The following PAM variants were observed in gnomAD, a reference collection of about 807,000 sequenced individuals.
The protein encoded by PAM is peptidyl-glycine alpha-amidating monooxygenase.
Under a neutral mutation model 122.1 loss-of-function variants are expected in PAM, and 72 were observed. The observed-to-expected ratio is 0.59, with a 90% CI of 0.49 to 0.72. The LOEUF is 0.72. Among genes scored for constraint, PAM ranks in the 30% least tolerant of loss-of-function variants. The pLI, the probability that PAM is intolerant of heterozygous loss-of-function variation, is 0.00. For missense variants in PAM, 1,106 were observed against 1,183.7 expected, an observed-to-expected ratio of 0.93 and a Z score of 0.96; for synonymous variants, 389 against 404.4, an observed-to-expected ratio of 0.96 and a Z score of 0.46.
chr5:102,816,740 C>T (rs1454778638), intron 1 of PAM, among the ~76,000 whole-genome samples: 4 of 152,106 alleles, frequency 2.6e-5, no homozygotes, highest in African/African-American at 7.2e-5. Flanking sequence ...GTTGGAGTAT[C>T]CTAAAGTTCA....
intron 3 of PAM, among the ~76,000 whole-genome samples, chr5:102,891,186 A>G (rs560162969): frequency 3.2e-4 from 48 of 152,042 alleles, no homozygotes; most frequent in African/African-American, 1.1e-3. Flanking sequence ...CTGCATACCC[A>G]GTTCCTATGT....
In PAM at chr5:103,007,192, TACAC is replaced by T. The variant is rs56140031; in HGVS notation, c.2014+208_2014+211del. ...ACACACACACACACACACATATACA[TACAC>T]ACACACACACACACACACACACACA... On this transcript the variant is annotated intron_variant, in intron 19 of 25. Coordinates refer to ENST00000438793, the MANE Select transcript of PAM (RefSeq NM_001177306.2). Among the ~76,000 whole-genome samples the T allele has an allele frequency of 8.8e-4, 125 of 141,558 alleles. 1 individual carries two copies. Among genetic ancestry groups the T allele is most frequent in the Middle Eastern group, 3.7e-3 (1 of 270 alleles). 92.9% of individuals were successfully genotyped at this position (141,558 alleles called of 152,430 possible).
Position 102,827,842 on chromosome 5 carries a change from A to G in PAM, c.-373-37981A>G, listed in dbSNP as rs1193811490. Reference sequence around the variant, plus strand: ...GCTGGGACTACAGGCGCCCGCCACTACGCCCGGCTAATTTTTTGTATTTTT... The same window carrying G: ...GCTGGGACTACAGGCGCCCGCCACTGCGCCCGGCTAATTTTTTGTATTTTT... On this transcript the variant is annotated intron_variant, in intron 1 of 25. Coordinates refer to ENST00000438793, the MANE Select transcript of PAM (RefSeq NM_001177306.2). Among the ~76,000 whole-genome samples, 2 of 14,954 alleles carry G rather than the reference A, an allele frequency of 1.3e-4. 1 individual carries two copies. The highest frequency in any genetic ancestry group is 2.1e-4 in the Non-Finnish European group (2 of 9,438). The allele number at this position is 14,954 out of a possible 152,430, so 9.8% of individuals were successfully genotyped here. A position where few individuals can be genotyped will look rare whatever the true frequency, so the allele number is the denominator to read the frequency against.
At chr5:102,810,696 C>T (rs545589331) in intron 1 of PAM, among the ~76,000 whole-genome samples, 40 of 151,992 alleles carry the variant, frequency 2.6e-4, no homozygotes, top group Admixed American at 6.6e-4. Flanking sequence ...GGCGTGGTGG[C>T]GCATGCCTGT....
At chr5:103,003,684 A>G (rs1461982093) in intron 17 of PAM, among the ~76,000 whole-genome samples, 1 of 152,148 alleles carries the variant, frequency 6.6e-6, no homozygotes, top group African/African-American at 2.4e-5. Context: ...AGCTTGTTAC[A>G]TATTACATAT....
chr5:102,955,787 T>C (rs917362490), intron 12 of PAM, among the ~76,000 whole-genome samples: 1 of 151,916 alleles, frequency 6.6e-6, no homozygotes, highest in South Asian at 2.1e-4. Flanking sequence ...ATTAGCAGAG[T>C]TGAATTGCAT....
chr5:102,818,304 T>C (rs1770616028), intron 1 of PAM, among the ~76,000 whole-genome samples: 1 of 152,046 alleles, frequency 6.6e-6, no homozygotes, highest in Non-Finnish European at 1.5e-5. Context: ...ACTCCAAATT[T>C]AGTAAGTTAG....
chr5:102,944,640 G>T (rs1436838548), intron 7 of PAM, among the ~76,000 whole-genome samples: 1 of 152,044 alleles, frequency 6.6e-6, no homozygotes, highest in Non-Finnish European at 1.5e-5. Context: ...AAATAAGGTT[G>T]TCTTGGGACT....
chr5:103,028,868 A>T lies in PAM; in HGVS notation c.2744-19A>T. 1.9e-6 allele frequency: 3 copies of T among 1,578,478 alleles called. No individual in the cohort carries two copies. Among genetic ancestry groups the T allele is most frequent in the Non-Finnish European group, 2.6e-6 (3 of 1,159,796 alleles). ...GCTGCAAACTTTACCCAATTCTGTT[A>T]TTGTTTGCTTTTTTTCAGGAAAGGG... On this transcript the variant is annotated intron_variant, in intron 25 of 25. Coordinates refer to ENST00000438793, the MANE Select transcript of PAM (RefSeq NM_001177306.2).
chr5:102,999,109 T>C (rs1223888573), intron 16 of PAM, among the ~76,000 whole-genome samples: 2 of 152,188 alleles, frequency 1.3e-5, no homozygotes, highest in Non-Finnish European at 2.9e-5. Context: ...ACCTGCTGAC[T>C]ATCAGAAAAC....
chr5:102,979,817 A>G (rs1202507412), intron 15 of PAM, among the ~76,000 whole-genome samples: 2 of 151,972 alleles, frequency 1.3e-5, no homozygotes, highest in Non-Finnish European at 2.9e-5. Context: ...AAAAGTAGTA[A>G]TTTCTTTTTC....
intron 1 of PAM, among the ~76,000 whole-genome samples, chr5:102,760,254 G>A (rs2149663034): frequency 6.6e-6 from 1 of 152,172 alleles, no homozygotes; most frequent in East Asian, 1.9e-4. Flanking sequence ...TCAAGTATCT[G>A]CTTCACATCA....
At chr5:102,817,694 G>T (rs1770348558) in intron 1 of PAM, among the ~76,000 whole-genome samples, 1 of 147,680 alleles carries the variant, frequency 6.8e-6, no homozygotes, top group Non-Finnish European at 1.5e-5. Flanking sequence ...GCGGTCTAAT[G>T]TCAATAGAGT....
At chr5:103,017,293 A>G (rs1367129994) in intron 21 of PAM, 41 bp from the exon 22 acceptor site, 4 of 1,218,216 alleles carry the variant, frequency 3.3e-6, no homozygotes, top group Non-Finnish European at 4.8e-6. Flanking sequence ...GGATTCAAGT[A>G]AAGGCTCACC....
chr5:102,776,375 A>G (rs1757180407), intron 1 of PAM, among the ~76,000 whole-genome samples: 3 of 151,938 alleles, frequency 2.0e-5, no homozygotes, highest in Admixed American at 6.6e-5. Flanking sequence ...TTTTGTTGCA[A>G]TTGCTTTTGA....
At chr5:103,019,344 A>G (rs1782924609) in intron 22 of PAM, among the ~76,000 whole-genome samples, 1 of 152,222 alleles carries the variant, frequency 6.6e-6, no homozygotes, top group Non-Finnish European at 1.5e-5. Context: ...GGAAAACAGT[A>G]TATCTGGAAC....
chr5:103,004,623 C>T (rs1363960302), intron 17 of PAM, among the ~76,000 whole-genome samples: 1 of 152,184 alleles, frequency 6.6e-6, no homozygotes. Flanking sequence ...CTCACTATTT[C>T]ACTTTGCTTA....
Position 102,865,931 on chromosome 5 carries a change from G to C in PAM, c.-265G>C, listed in dbSNP as rs1785413941. The C allele has an allele frequency of 2.6e-6, 1 of 380,882 alleles. No individual in the cohort carries two copies. 23.6% of individuals were successfully genotyped at this position (380,882 alleles called of 1,614,324 possible). On this transcript the variant is annotated 5_prime_UTR_variant, in exon 2 of 26. Coordinates refer to ENST00000438793, the MANE Select transcript of PAM (RefSeq NM_001177306.2). ...AGCCCCAGCGCCAGGGCACGCGAGC[G>C]GCGCTGGAGGGAGGAAAGCTTCCGC...
chr5:102,853,404 A>T (rs1319265345), intron 1 of PAM, among the ~76,000 whole-genome samples: 1 of 152,166 alleles, frequency 6.6e-6, no homozygotes, highest in Admixed American at 6.5e-5. Flanking sequence ...CTCTTCAAAG[A>T]TAATTGTAAA....
Sources: allele counts gnomAD v4.1 joint callset (sites outside exome capture counted in the v4.1 genomes callset), GRCh38; gene constraint gnomAD v4.1.1; transcripts MANE v1.5; gene names NCBI Gene and HGNC (gene_info 2026-07-23, HGNC 2026-07-21).